GRK3: variants seen among roughly 807,000 people sequenced by gnomAD.
GRK3 encodes G protein-coupled receptor kinase 3, also known as adrenergic, beta, receptor kinase 2.
A neutral mutation model predicts 95.7 loss-of-function variants in GRK3; 54 were observed. That is an observed-to-expected ratio of 0.56 (90% CI 0.45 to 0.71). The LOEUF is 0.71. Ranked by LOEUF, GRK3 falls within the 30% of genes least tolerant of loss-of-function variation. The probability of loss-of-function intolerance (pLI) is 0.00; values close to 1 mark genes in which losing one functional copy is unlikely to be tolerated. For missense variants in GRK3, 649 were observed against 851.2 expected, an observed-to-expected ratio of 0.76 and a Z score of 2.96; for synonymous variants, 281 against 290.8, an observed-to-expected ratio of 0.97 and a Z score of 0.34.
intron 3 of GRK3, chr22:25,647,765 C>T: frequency 9.8e-7 from 1 of 1,019,774 alleles, no homozygotes; most frequent in Non-Finnish European, 1.6e-6. Context: ...AGAAAAGATG[C>T]TGAAAGATTA....
At chr22:25,671,804 C>T (rs1340027348) in intron 6 of GRK3, among the ~76,000 whole-genome samples, 4 of 152,140 alleles carry the variant, frequency 2.6e-5, no homozygotes, top group Admixed American at 1.3e-4. Context: ...CATGGCTGTC[C>T]AATATGGTAG....
chr22:25,644,475 A>T (rs2084766646), intron 2 of GRK3, 117 bp from the exon 3 acceptor site: 2 of 449,860 alleles, frequency 4.4e-6, no homozygotes, highest in Non-Finnish European at 7.8e-6. Context: ...CTTTTTTTTA[A>T]AAAAAAAAGT....
chr22:25,605,591 C>T (rs1364070676), intron 2 of GRK3, among the ~76,000 whole-genome samples: 2 of 152,238 alleles, frequency 1.3e-5, no homozygotes, highest in Admixed American at 6.5e-5. Context: ...GTATATTTCA[C>T]ATAGCATACA....
intron 3 of GRK3, among the ~76,000 whole-genome samples, chr22:25,660,796 G>T (rs2084904625): frequency 6.6e-6 from 1 of 152,128 alleles, no homozygotes; most frequent in African/African-American, 2.4e-5. Context: ...TTGTCTTTTG[G>T]ATTAAAAGTA....
At chr22:25,618,492 G>C (rs1458597948) in intron 2 of GRK3, among the ~76,000 whole-genome samples, 2 of 152,162 alleles carry the variant, frequency 1.3e-5, no homozygotes, top group Non-Finnish European at 2.9e-5. Context: ...GTTTGTTACA[G>C]GCAGAATCTG....
In GRK3 at chr22:25,709,923, T is replaced by G; in HGVS notation, c.1354T>G (p.Phe452Val). The G allele has an allele frequency of 6.2e-7, 1 of 1,614,002 alleles. No homozygotes were observed. Among genetic ancestry groups the G allele is most frequent in the Non-Finnish European group, 8.5e-7 (1 of 1,179,844 alleles). ...GGSQEVKEHS[F>V]FKGVDWQHVY... ...CTCACAGGAAGTAAAAGAGCACAGC[T>G]TTTTCAAAGGTGTTGACTGGCAGCA... Residue 452 changes from phenylalanine to valine, a missense_variant, in exon 16 of 21, where the codon TTT becomes GTT. Coordinates refer to ENST00000324198, the MANE Select transcript of GRK3 (RefSeq NM_005160.4).
intron 2 of GRK3, among the ~76,000 whole-genome samples, chr22:25,627,897 G>T (rs1206704579): frequency 6.6e-6 from 1 of 152,194 alleles, no homozygotes; most frequent in Non-Finnish European, 1.5e-5. Context: ...TCACTCACAT[G>T]GATCTGACCA....
chr22:25,603,054 C>T (rs1438494956), intron 1 of GRK3, among the ~76,000 whole-genome samples: 1 of 152,040 alleles, frequency 6.6e-6, no homozygotes, highest in Non-Finnish European at 1.5e-5. Flanking sequence ...GTAGCTGGGA[C>T]TACAGACACG....
chr22:25,672,728 T>C (rs1475813486), intron 7 of GRK3, among the ~76,000 whole-genome samples: 2 of 152,166 alleles, frequency 1.3e-5, no homozygotes, highest in African/African-American at 4.8e-5. Context: ...ACAAATTGAG[T>C]ATCATAATGA....
At position 25,672,284 on chromosome 22, in the gene GRK3, A is replaced by G. The variant is rs2084989349; in HGVS notation, c.504-12A>G. 3 of 1,312,786 alleles carry G rather than the reference A, an allele frequency of 2.3e-6. No homozygotes were observed. The highest frequency in any genetic ancestry group is 3.2e-6 in the Non-Finnish European group (3 of 931,470). The allele number at this position is 1,312,786 out of a possible 1,614,324, so 81.3% of individuals were successfully genotyped here. A position where few individuals can be genotyped will look rare whatever the true frequency, so the allele number is the denominator to read the frequency against. ...TATTTAACTTTTTAGTAATTATTTT[A>G]TTCTCTTTTAGTGACAAGTTCACTA... On this transcript the variant is annotated splice_polypyrimidine_tract_variant and intron_variant, in intron 6 of 20. Transcript: ENST00000324198.
intron 1 of GRK3, chr22:25,580,204 CA>C (rs1388451983): frequency 6.6e-6 from 1 of 152,232 alleles, no homozygotes; most frequent in Non-Finnish European, 1.5e-5. Context: ...TCGGCTTCCT[CA>C]GGGGGTCACT....
Position 25,565,056 on chromosome 22 carries a change from G to C in GRK3, c.16G>C (p.Ala6Pro). 6.6e-7 allele frequency: 1 copy of C among 1,519,790 alleles called. No homozygotes were observed. The highest frequency in any genetic ancestry group is 8.8e-7 in the Non-Finnish European group (1 of 1,136,246). 94.1% of individuals were successfully genotyped at this position (1,519,790 alleles called of 1,614,324 possible). A position where few individuals can be genotyped will look rare whatever the true frequency, so the allele number is the denominator to read the frequency against. Residue 6 changes from alanine to proline, a missense_variant, in exon 1 of 21, where the codon GCT (alanine) becomes CCT (proline). Physicochemically the swap from Ala to Pro is conservative, Grantham distance 27. Coordinates refer to ENST00000324198, the MANE Select transcript of GRK3 (RefSeq NM_005160.4). Reference sequence around the variant, plus strand: ...GCTCGCCAACATGGCGGACCTGGAGGCTGTGCTGGCCGATGTCAGTTACCT... The same window carrying C: ...GCTCGCCAACATGGCGGACCTGGAGCCTGTGCTGGCCGATGTCAGTTACCT... MADLE[A>P]VLADVSYLMA...
chr22:25,615,708 C>T (rs539440962), intron 2 of GRK3, among the ~76,000 whole-genome samples: 12 of 145,084 alleles, frequency 8.3e-5, no homozygotes, highest in Middle Eastern at 6.9e-3. Context: ...TCCTCCTTCT[C>T]GGGGGAGAAA....
At chr22:25,565,958 C>T (rs968146942) in intron 1 of GRK3, among the ~76,000 whole-genome samples, 47 of 152,080 alleles carry the variant, frequency 3.1e-4, no homozygotes, top group African/African-American at 1.1e-3. Flanking sequence ...ATTGAATTGG[C>T]GAGGGGCTCG....
intron 11 of GRK3, 114 bp downstream of exon 11, chr22:25,687,781 C>A: frequency 1.7e-6 from 2 of 1,202,174 alleles, no homozygotes; most frequent in Non-Finnish European, 2.4e-6. Context: ...CTCATCTCAG[C>A]CCTGATGAAG....
At chr22:25,620,275 C>A (rs890433709) in intron 2 of GRK3, among the ~76,000 whole-genome samples, 1 of 152,022 alleles carries the variant, frequency 6.6e-6, no homozygotes, top group Non-Finnish European at 1.5e-5. Flanking sequence ...TCACATAGCC[C>A]GCGAAAAAGC....
intron 2 of GRK3, among the ~76,000 whole-genome samples, chr22:25,642,352 G>A (rs1185530977): frequency 6.6e-6 from 1 of 152,194 alleles, no homozygotes; most frequent in African/African-American, 2.4e-5. Flanking sequence ...AGAATTGCTT[G>A]AACCTGGGAG....
chr22:25,622,416 G>C (rs1266723661), intron 2 of GRK3, among the ~76,000 whole-genome samples: 1 of 152,196 alleles, frequency 6.6e-6, no homozygotes, highest in African/African-American at 2.4e-5. Context: ...CGCTTACATA[G>C]GTTAGTTGTT....
intron 3 of GRK3, chr22:25,648,321 T>C: frequency 8.5e-7 from 1 of 1,169,910 alleles, no homozygotes; most frequent in Non-Finnish European, 1.3e-6. Context: ...GGCAAAACAC[T>C]ACACAGAACA....
Sources: allele counts gnomAD v4.1 joint callset (sites outside exome capture counted in the v4.1 genomes callset), GRCh38; gene constraint gnomAD v4.1.1; transcripts MANE v1.5; gene names NCBI Gene and HGNC (gene_info 2026-07-23, HGNC 2026-07-21).